The following APBB1IP variants were observed in gnomAD, a reference collection of about 807,000 sequenced individuals.
APBB1IP encodes the protein amyloid beta A4 precursor protein-binding family B member 1-interacting protein.
In APBB1IP, 27 loss-of-function variants were observed where a neutral mutation model predicts 64.9. The observed-to-expected ratio is 0.42, with a 90% CI of 0.31 to 0.57. The LOEUF (loss-of-function observed/expected upper bound fraction) is 0.57. APBB1IP is among the 20% of genes least tolerant of loss of function. The probability of loss-of-function intolerance (pLI) is 0.20; values close to 1 mark genes in which losing one functional copy is unlikely to be tolerated. For missense variants in APBB1IP, 812 were observed against 845.5 expected, an observed-to-expected ratio of 0.96 and a Z score of 0.49; for synonymous variants, 392 against 331.0, an observed-to-expected ratio of 1.18 and a Z score of -2.00.
chr10:26,456,504 C>T (rs1303967594), intron 2 of APBB1IP, among the ~76,000 whole-genome samples: 1 of 152,004 alleles, frequency 6.6e-6, no homozygotes, highest in African/African-American at 2.4e-5. Flanking sequence ...CAGTAGAGAG[C>T]CACTGAAAAG....
chr10:26,475,807 T>A (rs1175011832), intron 2 of APBB1IP, among the ~76,000 whole-genome samples: 5 of 152,232 alleles, frequency 3.3e-5, no homozygotes, highest in Admixed American at 2.0e-4. Flanking sequence ...CTTTTCATTC[T>A]GCTCTTCTCC....
At chr10:26,531,987 G>A (rs986856361) in intron 8 of APBB1IP, among the ~76,000 whole-genome samples, 5 of 152,114 alleles carry the variant, frequency 3.3e-5, no homozygotes, top group Non-Finnish European at 5.9e-5. Context: ...ACTTCAGTGT[G>A]CATAAAAATC....
chr10:26,441,305 G>A (rs553516695), intron 2 of APBB1IP, among the ~76,000 whole-genome samples: 8 of 152,230 alleles, frequency 5.3e-5, no homozygotes, highest in Admixed American at 2.6e-4. Context: ...TTTAATTATC[G>A]TGAGAAACAT....
chr10:26,540,516 A>AT (rs1281690823), intron 10 of APBB1IP, among the ~76,000 whole-genome samples: 8 of 151,832 alleles, frequency 5.3e-5, no homozygotes, highest in African/African-American at 1.9e-4. Flanking sequence ...ATATATATAT[A>AT]TTTTAAATGT....
intron 8 of APBB1IP, among the ~76,000 whole-genome samples, chr10:26,516,561 A>AAAAAG (rs1836332784): frequency 2.1e-5 from 3 of 144,680 alleles, no homozygotes; most frequent in Admixed American, 7.0e-5. Context: ...AAAAAAAAAA[A>AAAAAG]GTAAAGCGGA....
intron 8 of APBB1IP, among the ~76,000 whole-genome samples, chr10:26,516,827 C>T (rs538519229): frequency 3.3e-5 from 5 of 152,126 alleles, no homozygotes; most frequent in African/African-American, 1.2e-4. Flanking sequence ...CTTTTGGCAG[C>T]GTGAACTGGG....
rs1389296557 is a variant in APBB1IP at position 26,562,110 on chromosome 10, A to G, written c.1370-216A>G. On this transcript the variant is annotated intron_variant, in intron 13 of 14. Transcript: ENST00000376236. The stretch of plus-strand genomic sequence containing the variant: ...GCTGAATCTCATATAAAGTTTTGTC[A>G]CAGAACCTCAGATTTTTCTTAAGGT... The G allele has an allele frequency of 1.1e-4, 48 of 450,992 alleles. 1 individual carries two copies. The Admixed American group carries it at 1.7e-3, about 16-fold the overall frequency. 27.9% of individuals were successfully genotyped at this position (450,992 alleles called of 1,614,324 possible).
intron 2 of APBB1IP, among the ~76,000 whole-genome samples, chr10:26,463,081 C>T (rs1157477518): frequency 6.6e-6 from 1 of 152,066 alleles, no homozygotes; most frequent in Non-Finnish European, 1.5e-5. Flanking sequence ...CATCGTTGAG[C>T]GTTATTTGCC....
intron 8 of APBB1IP, among the ~76,000 whole-genome samples, chr10:26,529,098 C>T (rs976035934): frequency 6.6e-6 from 1 of 152,238 alleles, no homozygotes; most frequent in Non-Finnish European, 1.5e-5. Context: ...ATGTTGCACT[C>T]CCAGAAGCTG....
At chr10:26,481,401 T>G (rs1383567625) in intron 2 of APBB1IP, among the ~76,000 whole-genome samples, 1 of 152,172 alleles carries the variant, frequency 6.6e-6, no homozygotes, top group Non-Finnish European at 1.5e-5. Context: ...TTCACTAACT[T>G]TATGGTTTGC....
chr10:26,482,197 A>G (rs924500218), intron 2 of APBB1IP, among the ~76,000 whole-genome samples: 1 of 152,200 alleles, frequency 6.6e-6, no homozygotes, highest in Non-Finnish European at 1.5e-5. Flanking sequence ...TCTCAGGGGT[A>G]CAGTGCAAAG....
At chr10:26,461,222 A>G (rs940914307) in intron 2 of APBB1IP, among the ~76,000 whole-genome samples, 2 of 151,970 alleles carry the variant, frequency 1.3e-5, no homozygotes, top group Non-Finnish European at 2.9e-5. Flanking sequence ...GGAAGGAAAA[A>G]CTTTTTTTCT....
intron 10 of APBB1IP, among the ~76,000 whole-genome samples, chr10:26,538,788 C>A (rs1378488074): frequency 1.3e-5 from 2 of 152,000 alleles, no homozygotes; most frequent in Admixed American, 6.6e-5. Flanking sequence ...AATTCACAGA[C>A]TGATTTCATG....
intron 8 of APBB1IP, among the ~76,000 whole-genome samples, chr10:26,522,519 CTATTGTAATA>C (rs1836415881): frequency 6.6e-6 from 1 of 151,878 alleles, no homozygotes; most frequent in South Asian, 2.1e-4. Context: ...AAGATTTATC[CTATTGTAATA>C]TATTGATATG....
intron 8 of APBB1IP, among the ~76,000 whole-genome samples, chr10:26,533,025 G>C (rs944029482): frequency 3.3e-5 from 5 of 152,198 alleles, no homozygotes; most frequent in African/African-American, 1.2e-4. Context: ...GAGCTCCCAT[G>C]TGGCATCTGC....
At chr10:26,441,395 G>A (rs1407411598) in intron 2 of APBB1IP, among the ~76,000 whole-genome samples, 1 of 152,102 alleles carries the variant, frequency 6.6e-6, no homozygotes, top group Non-Finnish European at 1.5e-5. Context: ...GCCGCATGAA[G>A]GAATGCCATT....
At chr10:26,485,465 C>CGCATTTCTG (rs1184172756) in intron 2 of APBB1IP, among the ~76,000 whole-genome samples, 1 of 152,170 alleles carries the variant, frequency 6.6e-6, no homozygotes, top group Non-Finnish European at 1.5e-5. Context: ...TTTCCAACGA[C>CGCATTTCTG]GCATTTCTGA....
At chr10:26,522,166 A>G (rs1232463925) in intron 8 of APBB1IP, among the ~76,000 whole-genome samples, 1 of 151,962 alleles carries the variant, frequency 6.6e-6, no homozygotes, top group Non-Finnish European at 1.5e-5. Context: ...GATTCCCACC[A>G]TCATCTTTTT....
intron 2 of APBB1IP, among the ~76,000 whole-genome samples, chr10:26,456,725 C>G (rs1835529780): frequency 1.1e-5 from 1 of 87,932 alleles, no homozygotes; most frequent in Non-Finnish European, 2.1e-5. Context: ...GGTGACAGAG[C>G]AAGAACCTGT....
Sources: allele counts gnomAD v4.1 joint callset (sites outside exome capture counted in the v4.1 genomes callset), GRCh38; gene constraint gnomAD v4.1.1; transcripts MANE v1.5; gene names NCBI Gene and HGNC (gene_info 2026-07-23, HGNC 2026-07-21).